FZR1: variants seen among roughly 807,000 people sequenced by gnomAD.
FZR1 encodes fizzy-related protein homolog.
A neutral mutation model predicts 63.6 loss-of-function variants in FZR1; 11 were observed. The observed-to-expected ratio is 0.17, with a 90% CI of 0.11 to 0.29. FZR1 has a LOEUF of 0.29. FZR1 is among the 10% of genes least tolerant of loss of function. The pLI is 1.00. For synonymous variants in FZR1, 328 were observed against 297.9 expected (o/e 1.10, Z -1.04); for missense variants, 440 against 687.5 (o/e 0.64, Z 4.03).
At chr19:3,520,696 A>G (rs2083093614) in intron 1 of FZR1, among the ~76,000 whole-genome samples, 1 of 152,202 alleles carries the variant, frequency 6.6e-6, no homozygotes, top group African/African-American at 2.4e-5. Flanking sequence ...TGCAGAAGAA[A>G]CAGCCCTGCG....
In FZR1 at chr19:3,516,588, G is replaced by A. The variant is rs563958106; in HGVS notation, c.-34-6368G>A. 1.3e-5 allele frequency among the ~76,000 whole-genome samples: 2 copies of A among 152,142 alleles called. No individual in the cohort carries two copies. Among genetic ancestry groups the A allele is most frequent in the Non-Finnish European group, 2.9e-5 (2 of 68,016 alleles). On this transcript the variant is annotated intron_variant, in intron 1 of 13. Coordinates refer to ENST00000441788, the MANE Select transcript of FZR1 (RefSeq NM_016263.4). The surrounding 1 kb of genome is among the most constrained non-coding windows in gnomAD (Gnocchi z 6.0). ...AGCAGCACCGGGCAAGTGTCCAGGT[G>A]AGGTGCCCCGGGAGGCCCCAGGCCC...
chr19:3,532,072 G>T lies in FZR1; in HGVS notation c.985G>T (p.Ala329Ser), dbSNP rs773917396. Residue 329 changes from alanine to serine, a missense_variant, in exon 10 of 14, where the codon GCC (alanine) becomes TCC (serine). Ala to Ser is a moderately conservative substitution (Grantham distance 99). Around this residue, in one of 5 missense-constraint regions of FZR1, gnomAD observed 208 missense variants for 363.6 expected, o/e 0.57. Transcript: ENST00000441788. The stretch of plus-strand genomic sequence containing the variant: ...GTGGTCCACAGACCACCAGCTCCTC[G>T]CCTCGGGGGGCAACGACAACAAGGT... ...LKWSTDHQLL[A>S]SGGNDNKLLV... is the part of the protein sequence containing the mutation. 3 of 1,516,318 alleles carry T rather than the reference G, an allele frequency of 2.0e-6. No individual in the cohort carries two copies. The highest frequency in any genetic ancestry group is 2.8e-5 in the African/African-American group (2 of 72,570). The allele number at this position is 1,516,318 out of a possible 1,614,324, so 93.9% of individuals were successfully genotyped here.
At chr19:3,508,259 C>T (rs1387968416) in intron 1 of FZR1, among the ~76,000 whole-genome samples, 1 of 142,978 alleles carries the variant, frequency 7.0e-6, no homozygotes, top group Non-Finnish European at 1.5e-5. Context: ...TCCAGTGGCG[C>T]GATCTCGGCT....
Position 3,535,146 on chromosome 19 carries a change from TG to T in FZR1, c.*313del. Reference sequence around the variant, plus strand: ...TGTACTCAGAGCGACGGATGCCCCCTGGGACCCTCACTGCCTCCGTCTGTTC... The same window carrying T: ...TGTACTCAGAGCGACGGATGCCCCCTGGACCCTCACTGCCTCCGTCTGTTC... On this transcript the variant is annotated 3_prime_UTR_variant, in exon 14 of 14. Transcript: ENST00000441788. 2 of 442,060 alleles carry T rather than the reference TG, an allele frequency of 4.5e-6. No homozygotes were observed. The allele number at this position is 442,060 out of a possible 1,614,324, so 27.4% of individuals were successfully genotyped here. A position where few individuals can be genotyped will look rare whatever the true frequency, so the allele number is the denominator to read the frequency against.
intron 7 of FZR1, among the ~76,000 whole-genome samples, chr19:3,529,061 C>T (rs939467222): frequency 3.0e-5 from 3 of 101,508 alleles, no homozygotes; most frequent in Admixed American, 9.7e-5. Flanking sequence ...AGTGCGGATG[C>T]TTGAGCGGAT....
chr19:3,520,516 G>A (rs56841823), intron 1 of FZR1, among the ~76,000 whole-genome samples: 2,753 of 152,250 alleles, frequency 0.018, 74 homozygotes, highest in African/African-American at 0.061. Flanking sequence ...GCTGGCACCC[G>A]TCCATGAGGC....
rs985128698 is a variant in FZR1, at chr19:3,526,690, G to A, written c.388-290G>A. Among the ~76,000 whole-genome samples, 2 of 152,156 alleles carry A rather than the reference G, an allele frequency of 1.3e-5. No homozygotes were observed. The highest frequency in any genetic ancestry group is 6.5e-5 in the Admixed American group (1 of 15,282). On this transcript the variant is annotated intron_variant, in intron 5 of 13. Coordinates refer to ENST00000441788, the MANE Select transcript of FZR1 (RefSeq NM_016263.4). This position sits in a 1 kb window ranked among gnomAD's most constrained non-coding sequence, Gnocchi z 5.4. Reference sequence around the variant, plus strand: ...ACCCAAGCCGGTGGGGGTCCTGCCCGTAGGGGGCAGTACTGGGTCCTCCCA... The same window carrying A: ...ACCCAAGCCGGTGGGGGTCCTGCCCATAGGGGGCAGTACTGGGTCCTCCCA...
chr19:3,507,084 C>T (rs983461336), intron 1 of FZR1, among the ~76,000 whole-genome samples: 1 of 152,188 alleles, frequency 6.6e-6, no homozygotes, highest in Non-Finnish European at 1.5e-5. Context: ...CCAGTCCCCG[C>T]AGGCACGGGT....
rs941904817 is a variant in FZR1, at chr19:3,530,681, T to TGGGAGAGTGG, written c.655-110_655-101dup. The TGGGAGAGTGG allele has an allele frequency of 4.0e-6, 3 of 748,040 alleles. No individual in the cohort carries two copies. The African/African-American group carries it at 5.2e-5, about 13-fold the overall frequency. 46.3% of individuals were successfully genotyped at this position (748,040 alleles called of 1,614,324 possible). On this transcript the variant is annotated intron_variant, in intron 7 of 13. Coordinates refer to ENST00000441788, the MANE Select transcript of FZR1 (RefSeq NM_016263.4). ...GGATGGGAGAGTGGATGAGATTGGA[T>TGGGAGAGTGG]GGGAGAGTGGATGAGAGTGGATGGG...
rs529806846 is a variant in FZR1, at chr19:3,527,030, T to C, written c.438T>C (p.Ser146=). The C allele has an allele frequency of 3.1e-6, 5 of 1,612,234 alleles. No individual in the cohort carries two copies. Among genetic ancestry groups the C allele is most frequent in the African/African-American group, 1.3e-5 (1 of 75,010 alleles). Residue 146 remains serine (S), a synonymous_variant, in exon 6 of 14, where the codon TCT becomes TCC. Coordinates refer to ENST00000441788, the MANE Select transcript of FZR1 (RefSeq NM_016263.4). The part of the protein sequence containing the change: ...RSSPDDGNDV[S]PYSLSPVSNK... ...GCCCCGATGACGGCAACGATGTGTC[T>C]CCCTACTCCCTGTCTCCCGTCAGCA...
intron 2 of FZR1, among the ~76,000 whole-genome samples, chr19:3,524,788 C>T (rs1027435318): frequency 1.3e-5 from 2 of 152,170 alleles, no homozygotes; most frequent in East Asian, 1.9e-4. Flanking sequence ...TCCCTCTGGC[C>T]TCTGCATCTG....
chr19:3,520,368 T>G (rs971731489), intron 1 of FZR1, among the ~76,000 whole-genome samples: 2 of 152,156 alleles, frequency 1.3e-5, no homozygotes, highest in Non-Finnish European at 2.9e-5. Flanking sequence ...TGGCCATTGC[T>G]CTGTGGCCGC....
In FZR1 at chr19:3,534,507, G is replaced by T. The variant is rs34725352; in HGVS notation, c.1434G>T (p.Ser478=). The stretch of plus-strand genomic sequence containing the variant: ...GGAACGTCTTTAGCAAAACCCGTTC[G>T]ACAAAGGTAAAGTGGGTCGGTATCA... The part of the protein sequence containing the change: ...RFWNVFSKTR[S]TKESVSVLNL... Residue 478 remains serine, a synonymous_variant, in exon 13 of 14, where the codon TCG becomes TCT. Transcript: ENST00000441788. 6.2e-7 allele frequency: 1 copy of T among 1,603,092 alleles called. No homozygotes were observed. Among genetic ancestry groups the T allele is most frequent in the African/African-American group, 1.3e-5 (1 of 74,728 alleles).
intron 7 of FZR1, among the ~76,000 whole-genome samples, chr19:3,529,138 G>A (rs1363053810): frequency 1.8e-5 from 2 of 112,030 alleles, no homozygotes; most frequent in African/African-American, 7.3e-5. Context: ...GGATGGGAGA[G>A]CGGATGGGAG....
At chr19:3,528,746 AGTGGGTGGGTGTGT>A (rs2083190852) in intron 7 of FZR1, among the ~76,000 whole-genome samples, 1 of 112,508 alleles carries the variant, frequency 8.9e-6, no homozygotes. Context: ...TGGATGGGAG[AGTGGGTGGGTGTGT>A]GGATGGGTGC....
At chr19:3,520,449 G>A (rs1407578691) in intron 1 of FZR1, among the ~76,000 whole-genome samples, 6 of 152,208 alleles carry the variant, frequency 3.9e-5, no homozygotes, top group Non-Finnish European at 7.4e-5. Flanking sequence ...CTATGTGGTC[G>A]TGGGCATTGC....
chr19:3,530,411 C>CATGGGAGAGCGCATGGGAGAGCGG (rs780421614), intron 7 of FZR1, among the ~76,000 whole-genome samples: 11 of 86,040 alleles, frequency 1.3e-4, no homozygotes, highest in African/African-American at 3.1e-4. Context: ...TGGGAGAGCG[C>CATGGGAGAGCGCATGGGAGAGCGG]ATGGGAGAGC....
chr19:3,523,813 C>G (rs138606210), intron 2 of FZR1, among the ~76,000 whole-genome samples: 4 of 152,358 alleles, frequency 2.6e-5, no homozygotes, highest in African/African-American at 9.6e-5. Flanking sequence ...CCCTCAGTGC[C>G]AGCAACCTCT....
intron 1 of FZR1, among the ~76,000 whole-genome samples, chr19:3,520,217 G>A (rs2083089425): frequency 1.3e-5 from 2 of 152,232 alleles, no homozygotes; most frequent in Non-Finnish European, 2.9e-5. Context: ...GGGGCTGCGG[G>A]AGGCAGCTGT....
Sources: allele counts gnomAD v4.1 joint callset (sites outside exome capture counted in the v4.1 genomes callset), GRCh38; gene constraint gnomAD v4.1.1; regional missense constraint gnomAD v4.1.1; non-coding constraint Gnocchi (gnomAD v3.1); transcripts MANE v1.5; gene names NCBI Gene and HGNC (gene_info 2026-07-23, HGNC 2026-07-21).